The following TENM4 variants were observed in gnomAD, a reference collection of about 807,000 sequenced individuals.
TENM4 encodes teneurin transmembrane protein 4, also known as teneurin-4.
In TENM4, 82 loss-of-function variants were observed where a neutral mutation model predicts 243.3. That is an observed-to-expected ratio of 0.34 (90% CI 0.28 to 0.40). TENM4 has a LOEUF of 0.40. Among genes scored for constraint, TENM4 ranks in the 10% least tolerant of loss-of-function variants. TENM4 has a pLI of 1.00. For synonymous variants in TENM4, 1,412 were observed against 1,456.3 expected, an observed-to-expected ratio of 0.97 and a Z score of 0.69; for missense variants, 3,138 against 3,673.3, an observed-to-expected ratio of 0.85 and a Z score of 3.77.
intron 1 of TENM4, among the ~76,000 whole-genome samples, chr11:79,424,238 G>T (rs1345664666): frequency 6.6e-6 from 1 of 152,110 alleles, no homozygotes; most frequent in Admixed American, 6.5e-5. Context: ...AGTAGATAGA[G>T]GCCAGGGATG....
chr11:79,059,116 C>T (rs1860020826), intron 6 of TENM4, among the ~76,000 whole-genome samples: 1 of 152,182 alleles, frequency 6.6e-6, no homozygotes. Flanking sequence ...ATTAGGTTAA[C>T]CAATAATTTC....
rs757432524 is a variant in TENM4 at position 79,316,182 on chromosome 11, A to G, written c.-320-18639T>C. ...GAGGAAGCAGATAGTGGGAGAAATG[A>G]GGGTTATAGGTTGATACAAAAAAGA... On this transcript the variant is annotated intron_variant, in intron 1 of 33. Coordinates refer to ENST00000278550, the MANE Select transcript of TENM4 (RefSeq NM_001098816.3). Among the ~76,000 whole-genome samples, 5 of 152,168 alleles carry G rather than the reference A, an allele frequency of 3.3e-5. No individual in the cohort carries two copies. The South Asian group carries it at 1.0e-3, about 32-fold the overall frequency.
At chr11:78,788,836 C>T (rs588059) in intron 15 of TENM4, among the ~76,000 whole-genome samples, 2 of 151,902 alleles carry the variant, frequency 1.3e-5, no homozygotes, top group African/African-American at 4.8e-5. Flanking sequence ...GCAGGTGGAA[C>T]CTAATGGTAT....
intron 6 of TENM4, among the ~76,000 whole-genome samples, chr11:78,921,522 CCTGA>C (rs1856446926): frequency 6.6e-6 from 1 of 152,240 alleles, no homozygotes; most frequent in African/African-American, 2.4e-5. Flanking sequence ...ACACTTCCTT[CCTGA>C]CTGTTCGTAT....
chr11:79,208,866 T>C (rs1013742506), intron 3 of TENM4, among the ~76,000 whole-genome samples: 3 of 152,192 alleles, frequency 2.0e-5, no homozygotes, highest in African/African-American at 7.2e-5. Flanking sequence ...TGCTCCTTTC[T>C]ACCAGGGGAA....
chr11:79,042,702 C>G (rs1859567646), intron 6 of TENM4, among the ~76,000 whole-genome samples: 1 of 152,204 alleles, frequency 6.6e-6, no homozygotes, highest in Admixed American at 6.5e-5. Context: ...ATTCAGGCCA[C>G]AGACCTGTCC....
intron 1 of TENM4, among the ~76,000 whole-genome samples, chr11:79,372,762 C>T (rs1367419316): frequency 1.3e-5 from 2 of 152,124 alleles, no homozygotes; most frequent in Non-Finnish European, 2.9e-5. Flanking sequence ...ATGCAGTAGG[C>T]ACTCAATAAA....
chr11:78,997,719 A>T (rs1858210670), intron 6 of TENM4, among the ~76,000 whole-genome samples: 1 of 152,218 alleles, frequency 6.6e-6, no homozygotes, highest in Non-Finnish European at 1.5e-5. Flanking sequence ...CAAGTCAGCA[A>T]GAGAAAGCTA....
At chr11:78,996,280 A>G (rs570496372) in intron 6 of TENM4, among the ~76,000 whole-genome samples, 52 of 152,172 alleles carry the variant, frequency 3.4e-4, no homozygotes, top group African/African-American at 1.3e-3. Flanking sequence ...CTATTGGAAC[A>G]CTCTTGAGAT....
chr11:79,085,379 A>AAAAAT (rs1188530798), intron 4 of TENM4, among the ~76,000 whole-genome samples: 175 of 62,948 alleles, frequency 2.8e-3, no homozygotes, highest in African/African-American at 9.1e-3. Flanking sequence ...TCTGTCTCAA[A>AAAAAT]AAAAAAAAAG....
chr11:79,207,585 C>T (rs1039153523), intron 3 of TENM4, among the ~76,000 whole-genome samples: 6 of 152,010 alleles, frequency 3.9e-5, no homozygotes, highest in African/African-American at 1.5e-4. Flanking sequence ...ATACAGGTGG[C>T]GGGGTGTGGT....
At chr11:79,193,419 C>T (rs1863555566) in intron 3 of TENM4, among the ~76,000 whole-genome samples, 2 of 152,172 alleles carry the variant, frequency 1.3e-5, no homozygotes, top group East Asian at 3.9e-4. Flanking sequence ...TGACTTTAGT[C>T]TCTTGTATTC....
intron 32 of TENM4, among the ~76,000 whole-genome samples, chr11:78,667,028 A>C: frequency 6.6e-6 from 1 of 152,180 alleles, no homozygotes; most frequent in East Asian, 1.9e-4. Context: ...ATCTCACAGG[A>C]AACTCATTGG....
At chr11:79,114,160 C>T (rs2137113753) in intron 4 of TENM4, among the ~76,000 whole-genome samples, 1 of 152,250 alleles carries the variant, frequency 6.6e-6, no homozygotes, top group Non-Finnish European at 1.5e-5. Context: ...GGCCAATCTC[C>T]CTCAACATGT....
chr11:78,984,937 G>C (rs577932267), intron 6 of TENM4, among the ~76,000 whole-genome samples: 4 of 152,162 alleles, frequency 2.6e-5, no homozygotes, highest in African/African-American at 9.7e-5. Context: ...GACCATTTCT[G>C]TTACAGCAGT....
At chr11:78,937,786 A>G (rs530306987) in intron 6 of TENM4, among the ~76,000 whole-genome samples, 2 of 152,282 alleles carry the variant, frequency 1.3e-5, no homozygotes, top group African/African-American at 4.8e-5. Context: ...CATGATAAGG[A>G]AGCCCCCTCT....
rs114431566 is a variant in TENM4 at position 78,972,440 on chromosome 11, T to G, written c.494-68917A>C. Among the ~76,000 whole-genome samples the G allele has an allele frequency of 1.6e-3, 251 of 152,220 alleles. 2 individuals carry two copies. Among genetic ancestry groups the G allele is most frequent in the African/African-American group, 5.8e-3 (242 of 41,528 alleles). ...AGGCTCGTCATTTGATCTCTAGCTT[T>G]CCTCCTCACAGGTTTCTCGGGGACT... On this transcript the variant is annotated intron_variant, in intron 6 of 33. Coordinates refer to ENST00000278550, the MANE Select transcript of TENM4 (RefSeq NM_001098816.3).
intron 3 of TENM4, among the ~76,000 whole-genome samples, chr11:79,186,818 T>A (rs1349212744): frequency 6.6e-6 from 1 of 152,234 alleles, no homozygotes; most frequent in Non-Finnish European, 1.5e-5. Flanking sequence ...TGCACTGAGA[T>A]TATTGATTCA....
chr11:79,354,206 C>A (rs1857461080), intron 1 of TENM4, among the ~76,000 whole-genome samples: 1 of 152,192 alleles, frequency 6.6e-6, no homozygotes, highest in South Asian at 2.1e-4. Flanking sequence ...TGAATGGCAT[C>A]CTTGTATTAT....
Sources: gnomAD v4.1 joint callset for allele counts (sites outside exome capture counted in the v4.1 genomes callset) on GRCh38, gnomAD v4.1.1 for gene constraint, MANE v1.5 for transcripts, NCBI Gene and HGNC (gene_info 2026-07-23, HGNC 2026-07-21) for gene names.